APLP2: variants seen among roughly 807,000 people sequenced by gnomAD.
APLP2 encodes the protein CDEI box-binding protein.
A neutral mutation model predicts 89.9 loss-of-function variants in APLP2; 53 were observed. That is an observed-to-expected ratio of 0.59 (90% CI 0.47 to 0.74). The LOEUF is 0.74. Ranked by LOEUF, APLP2 falls within the 30% of genes least tolerant of loss-of-function variation. The probability of loss-of-function intolerance (pLI) is 0.00; values close to 1 mark genes in which losing one functional copy is unlikely to be tolerated. For synonymous variants in APLP2, 372 were observed against 348.6 expected (o/e 1.07, Z -0.75); for missense variants, 973 against 975.9 (o/e 1.00, Z 0.04).
intron 1 of APLP2, chr11:130,070,485 C>A: frequency 8.8e-7 from 1 of 1,133,818 alleles, no homozygotes; most frequent in Non-Finnish European, 1.1e-6. Flanking sequence ...CCAGGGGCGG[C>A]CCCGCGCGGA....
intron 13 of APLP2, among the ~76,000 whole-genome samples, chr11:130,137,919 A>G (rs904470305): frequency 3.9e-5 from 6 of 152,318 alleles, no homozygotes; most frequent in Admixed American, 3.3e-4. Flanking sequence ...TCTTGTCCCC[A>G]TCTTAGTCCA....
chr11:130,086,045 C>T (rs935316251), intron 1 of APLP2, among the ~76,000 whole-genome samples: 2 of 152,186 alleles, frequency 1.3e-5, no homozygotes, highest in African/African-American at 2.4e-5. Context: ...TCAGTTCTTT[C>T]GGATATTTAC....
intron 1 of APLP2, among the ~76,000 whole-genome samples, chr11:130,091,280 A>C (rs1413320040): frequency 2.0e-5 from 2 of 98,786 alleles, no homozygotes; most frequent in Admixed American, 1.0e-4. Context: ...TGACCCCCCC[A>C]CCTCCCTCCC....
chr11:130,127,599 C>T (rs1950522642), intron 8 of APLP2, among the ~76,000 whole-genome samples, 167 bp from the exon 9 acceptor site: 1 of 152,166 alleles, frequency 6.6e-6, no homozygotes, highest in African/African-American at 2.4e-5. Context: ...TAGTTGAGGC[C>T]TGGAACCTTC....
intron 3 of APLP2, among the ~76,000 whole-genome samples, chr11:130,118,093 ATAG>A (rs1949412607): frequency 6.6e-6 from 1 of 151,906 alleles, no homozygotes; most frequent in Non-Finnish European, 1.5e-5. Context: ...AAAAAAAAAA[ATAG>A]TTGTTGTGTT....
At chr11:130,096,825 T>C (rs901066213) in intron 1 of APLP2, among the ~76,000 whole-genome samples, 1 of 152,250 alleles carries the variant, frequency 6.6e-6, no homozygotes, top group Non-Finnish European at 1.5e-5. Flanking sequence ...CGAGGGTAGC[T>C]TTTCCTGCTG....
intron 1 of APLP2, among the ~76,000 whole-genome samples, chr11:130,093,280 A>G (rs1945700247): frequency 6.6e-6 from 1 of 152,234 alleles, no homozygotes; most frequent in Middle Eastern, 3.2e-3. Flanking sequence ...TAGGATCACC[A>G]AAGACTTCAG....
At chr11:130,122,602 C>T in intron 6 of APLP2, 89 bp downstream of exon 6, 1 of 1,561,854 alleles carries the variant, frequency 6.4e-7, no homozygotes, top group Non-Finnish European at 8.7e-7. Flanking sequence ...GTAAGTCAGT[C>T]ACAGAAGGAA....
chr11:130,134,436 A>G (rs1181256314), intron 12 of APLP2, among the ~76,000 whole-genome samples: 1 of 152,160 alleles, frequency 6.6e-6, no homozygotes, highest in Non-Finnish European at 1.5e-5. Context: ...TGAGTAGATC[A>G]GTGTGGCTAC....
chr11:130,123,820 C>G lies in APLP2; in HGVS notation c.1090+41C>G. The G allele has an allele frequency of 6.2e-7, 1 of 1,600,602 alleles. No individual in the cohort carries two copies. Among genetic ancestry groups the G allele is most frequent in the Non-Finnish European group, 8.5e-7 (1 of 1,171,510 alleles). On this transcript the variant is annotated intron_variant, in intron 7 of 16. Transcript: ENST00000338167. The surrounding 1 kb of genome is among the most constrained non-coding windows in gnomAD (Gnocchi z 4.0). Reference sequence around the variant, plus strand: ...CGCTGGTCCCGTGCGGCAGCACCGTCCTGTCTGGCGTCCGTCTCCCTGCCG... The same window carrying G: ...CGCTGGTCCCGTGCGGCAGCACCGTGCTGTCTGGCGTCCGTCTCCCTGCCG...
chr11:130,070,723 C>T (rs1267204478), intron 1 of APLP2: 1 of 1,469,748 alleles, frequency 6.8e-7, no homozygotes, highest in Non-Finnish European at 9.0e-7. Flanking sequence ...TGCCTGCGTC[C>T]GTAGACCGAG....
chr11:130,120,848 C>T (rs376817701), intron 4 of APLP2, 30 bp downstream of exon 4: 3 of 1,482,012 alleles, frequency 2.0e-6, no homozygotes, highest in Non-Finnish European at 2.8e-6. Flanking sequence ...AAGTCAGCTG[C>T]TGTTGTATCT....
chr11:130,132,076 A>T (rs1950986508), intron 11 of APLP2, among the ~76,000 whole-genome samples: 1 of 152,070 alleles, frequency 6.6e-6, no homozygotes, highest in Admixed American at 6.6e-5. Flanking sequence ...TGCTGTAGAG[A>T]CACTAATTTG....
chr11:130,142,291 G>A (rs1952518137), intron 16 of APLP2, among the ~76,000 whole-genome samples: 1 of 152,206 alleles, frequency 6.6e-6, no homozygotes, highest in East Asian at 1.9e-4. Context: ...CCTTGGCTAT[G>A]AATGTCAGAA....
chr11:130,128,403 C>T (rs138996728), intron 9 of APLP2, among the ~76,000 whole-genome samples: 1 of 152,156 alleles, frequency 6.6e-6, no homozygotes, highest in African/African-American at 2.4e-5. Flanking sequence ...CCTAATGTAA[C>T]ACTTTAATAA....
intron 1 of APLP2, among the ~76,000 whole-genome samples, chr11:130,078,017 G>T (rs1298891577): frequency 6.6e-6 from 1 of 152,156 alleles, no homozygotes; most frequent in East Asian, 1.9e-4. Context: ...TACCACTGAG[G>T]TCAAGAAATA....
At chr11:130,097,482 C>T (rs906171786) in intron 1 of APLP2, among the ~76,000 whole-genome samples, 1 of 152,124 alleles carries the variant, frequency 6.6e-6, no homozygotes, top group Non-Finnish European at 1.5e-5. Context: ...TTGTTTGAGG[C>T]TGGGAGTACA....
rs577912552 is a variant in APLP2, at chr11:130,114,644, C to T, written c.403+3983C>T. Among the ~76,000 whole-genome samples, 11 of 152,276 alleles carry T rather than the reference C, an allele frequency of 7.2e-5. No homozygotes were observed. The South Asian group carries it at 2.1e-3, about 29-fold the overall frequency. On this transcript the variant is annotated intron_variant, in intron 3 of 16. Coordinates refer to ENST00000338167, the MANE Select transcript of APLP2 (RefSeq NM_001142276.2). ...TCTCCAAGTCCATTCTGTATTTTCC[C>T]TACTCCACTCCTGGAGTCTGTTTTC... is the stretch of plus-strand genomic sequence containing the variant.
At chr11:130,132,030 G>C (rs943108147) in intron 11 of APLP2, among the ~76,000 whole-genome samples, 11 of 152,138 alleles carry the variant, frequency 7.2e-5, no homozygotes, top group Non-Finnish European at 1.6e-4. Flanking sequence ...ATATGAGTGA[G>C]ATGGTGCTTT....
Sources: allele counts gnomAD v4.1 joint callset (sites outside exome capture counted in the v4.1 genomes callset), GRCh38; gene constraint gnomAD v4.1.1; non-coding constraint Gnocchi (gnomAD v3.1); transcripts MANE v1.5; gene names NCBI Gene and HGNC (gene_info 2026-07-23, HGNC 2026-07-21).